BACE2: variants seen among roughly 807,000 people sequenced by gnomAD.
BACE2 encodes the protein beta-secretase 2, also known as 56 kDa aspartic-like protease.
A neutral mutation model predicts 46.2 loss-of-function variants in BACE2; 17 were observed. That is an observed-to-expected ratio of 0.37 (90% CI 0.25 to 0.55). The LOEUF is 0.55. Among genes scored for constraint, BACE2 ranks in the 20% least tolerant of loss-of-function variants. The pLI is 0.82. For missense variants in BACE2, 595 were observed against 698.1 expected (o/e 0.85, Z 1.66); for synonymous variants, 277 against 295.9 (o/e 0.94, Z 0.66).
chr21:41,237,428 A>G, intron 2 of BACE2, 85 bp from the exon 3 acceptor site: 1 of 1,027,202 alleles, frequency 9.7e-7, no homozygotes, highest in East Asian at 3.1e-5. Context: ...CCTGGGTGAC[A>G]GAGCAAGACT....
At chr21:41,217,431 A>AC (rs1214007816) in intron 1 of BACE2, among the ~76,000 whole-genome samples, 1 of 150,804 alleles carries the variant, frequency 6.6e-6, no homozygotes, top group Non-Finnish European at 1.5e-5. Context: ...TTACCTCTTT[A>AC]CCCCCCTCCT....
At chr21:41,238,496 A>G (rs1419867882) in intron 3 of BACE2, among the ~76,000 whole-genome samples, 1 of 152,196 alleles carries the variant, frequency 6.6e-6, no homozygotes, top group Admixed American at 6.5e-5. Flanking sequence ...TGGAGTCCAC[A>G]TGGGTTTGTA....
chr21:41,220,782 A>C (rs544809542), intron 1 of BACE2, among the ~76,000 whole-genome samples: 13 of 151,712 alleles, frequency 8.6e-5, no homozygotes, highest in African/African-American at 3.1e-4. Flanking sequence ...ACCTCTGTAA[A>C]GGAGCAAGCT....
chr21:41,253,249 G>A (rs1283120890), intron 7 of BACE2, among the ~76,000 whole-genome samples: 1 of 152,024 alleles, frequency 6.6e-6, no homozygotes, highest in Non-Finnish European at 1.5e-5. Flanking sequence ...AGACCAGCCT[G>A]GACAACACAG....
intron 1 of BACE2, among the ~76,000 whole-genome samples, chr21:41,205,543 G>A (rs914809529): frequency 6.6e-6 from 1 of 152,188 alleles, no homozygotes; most frequent in Non-Finnish European, 1.5e-5. Flanking sequence ...AGATTGTGTG[G>A]TTGGCAATTC....
chr21:41,245,245 G>A (rs1197196521), intron 5 of BACE2, among the ~76,000 whole-genome samples: 1 of 152,152 alleles, frequency 6.6e-6, no homozygotes, highest in Non-Finnish European at 1.5e-5. Context: ...TTGGTGTATT[G>A]GTCATGTGAC....
At chr21:41,173,515 G>A (rs944358062) in intron 1 of BACE2, among the ~76,000 whole-genome samples, 4 of 152,178 alleles carry the variant, frequency 2.6e-5, no homozygotes, top group Non-Finnish European at 4.4e-5. Context: ...GCTGAGGCGG[G>A]CGGGTCACCT....
Position 41,237,653 on chromosome 21 carries a change from T to G in BACE2, c.542T>G (p.Phe181Cys), listed in dbSNP as rs763917069. 14 of 1,614,204 alleles carry G rather than the reference T, an allele frequency of 8.7e-6. No homozygotes were observed. Among genetic ancestry groups the G allele is most frequent in the Non-Finnish European group, 1.2e-5 (14 of 1,180,016 alleles). Residue 181 changes from phenylalanine (F) to cysteine (C), a missense_variant, in exon 3 of 9, where the codon TTT becomes TGT. Phe to Cys is a radical substitution (Grantham distance 205). This residue lies in a region of BACE2 where 248 missense variants were observed against 261.4 expected (regional missense o/e 0.95). Coordinates refer to ENST00000330333, the MANE Select transcript of BACE2 (RefSeq NM_012105.5). ...TTTCTTGTCAACATTGCCACTATTT[T>G]TGAATCAGAGAATTTCTTTTTGCCT... ...TSFLVNIATI[F>C]ESENFFLPGI...
chr21:41,183,229 C>G (rs1410986519), intron 1 of BACE2: 1 of 165,398 alleles, frequency 6.0e-6, no homozygotes, highest in Non-Finnish European at 1.5e-5. Context: ...CCATTTTAAC[C>G]ATTTTAAAGC....
intron 1 of BACE2, among the ~76,000 whole-genome samples, chr21:41,191,166 C>A (rs1354567307): frequency 6.6e-6 from 1 of 152,188 alleles, no homozygotes; most frequent in Non-Finnish European, 1.5e-5. Flanking sequence ...TCAGAGCATA[C>A]ACGGCCTTCT....
chr21:41,204,535 C>G (rs1986064898), intron 1 of BACE2, among the ~76,000 whole-genome samples: 1 of 152,204 alleles, frequency 6.6e-6, no homozygotes, highest in Admixed American at 6.5e-5. Flanking sequence ...TGGGTGGTAC[C>G]TGTCTCCACT....
At chr21:41,221,938 G>A (rs1986669234) in intron 1 of BACE2, among the ~76,000 whole-genome samples, 1 of 152,198 alleles carries the variant, frequency 6.6e-6, no homozygotes, top group South Asian at 2.1e-4. Context: ...GTCAGAGGGA[G>A]GCTTCACGCT....
rs117295737 is a variant in BACE2, at chr21:41,201,962, G to T, written c.313-24304G>T. On this transcript the variant is annotated intron_variant, in intron 1 of 8. Coordinates refer to ENST00000330333, the MANE Select transcript of BACE2 (RefSeq NM_012105.5). Reference sequence around the variant, plus strand: ...CTTTGGTTGAATGCTAACCACTGGAGGCCTGGTGTTGGATGAACAGAGCAT... The same window carrying T: ...CTTTGGTTGAATGCTAACCACTGGATGCCTGGTGTTGGATGAACAGAGCAT... Among the ~76,000 whole-genome samples the T allele has an allele frequency of 4.3e-3, 657 of 152,328 alleles. 4 individuals are homozygous for T. The highest frequency in any genetic ancestry group is 0.013 in the South Asian group (63 of 4,824).
At chr21:41,237,371 G>A (rs770994301) in intron 2 of BACE2, 142 bp from the exon 3 acceptor site, 11 of 460,108 alleles carry the variant, frequency 2.4e-5, no homozygotes, top group Admixed American at 4.0e-5. Flanking sequence ...GCTTGAACCC[G>A]GGAGGCGGAG....
At chr21:41,188,158 G>A (rs9978829) in intron 1 of BACE2, among the ~76,000 whole-genome samples, 1 of 152,018 alleles carries the variant, frequency 6.6e-6, no homozygotes, top group Non-Finnish European at 1.5e-5. Flanking sequence ...CAGAATGGTC[G>A]GGCTGCAGGC....
At position 41,235,066 on chromosome 21, in the gene BACE2, A is replaced by G. The variant is rs1987077331; in HGVS notation, c.402-2447A>G. Among the ~76,000 whole-genome samples the G allele has an allele frequency of 2.0e-5, 3 of 152,220 alleles. No homozygotes were observed. The South Asian group carries it at 6.2e-4, about 32-fold the overall frequency. On this transcript the variant is annotated intron_variant, in intron 2 of 8. Transcript: ENST00000330333. ...GCTGTTTCCCCCAAATCCGTTTGCC[A>G]GACCTTCGTAAAATAACATATTTCT...
At chr21:41,271,993 G>A (rs1432146788) in intron 8 of BACE2, among the ~76,000 whole-genome samples, 1 of 151,746 alleles carries the variant, frequency 6.6e-6, no homozygotes, top group East Asian at 1.9e-4. Context: ...AGAACTTTCT[G>A]TAGTGAAAAT....
chr21:41,241,613 G>T, intron 3 of BACE2: 1 of 552,990 alleles, frequency 1.8e-6, no homozygotes, highest in Non-Finnish European at 3.2e-6. Flanking sequence ...ACAGAGCCGT[G>T]CCCAAAGGAA....
chr21:41,168,354 C>G lies in BACE2; in HGVS notation c.91C>G (p.Leu31Val). 1 of 1,387,834 alleles carries G rather than the reference C, an allele frequency of 7.2e-7. No individual in the cohort carries two copies. Among genetic ancestry groups the G allele is most frequent in the Non-Finnish European group, 9.4e-7 (1 of 1,066,954 alleles). The allele number at this position is 1,387,834 out of a possible 1,614,324, so 86.0% of individuals were successfully genotyped here. A position where few individuals can be genotyped will look rare whatever the true frequency, so the allele number is the denominator to read the frequency against. Reference protein sequence around the residue: ...APELAPAPFTLPLRVAAATNR... With the variant: ...APELAPAPFTVPLRVAAATNR... The stretch of plus-strand genomic sequence containing the variant: ...GGAGCTGGCCCCCGCGCCCTTCACG[C>G]TGCCCCTCCGGGTGGCCGCGGCCAC... Residue 31 changes from leucine (L) to valine (V), a missense_variant, in exon 1 of 9, where the codon CTG becomes GTG. Around this residue, in one of 3 missense-constraint regions of BACE2, gnomAD observed 248 missense variants for 261.4 expected, o/e 0.95. Transcript: ENST00000330333.
Sources: allele counts gnomAD v4.1 joint callset (sites outside exome capture counted in the v4.1 genomes callset), GRCh38; gene constraint gnomAD v4.1.1; regional missense constraint gnomAD v4.1.1; transcripts MANE v1.5; gene names NCBI Gene and HGNC (gene_info 2026-07-23, HGNC 2026-07-21).